Variants in NCAM2 observed in about 807,000 individuals in gnomAD.
The protein encoded by NCAM2 is neural cell adhesion molecule 2.
Under a neutral mutation model 98.1 loss-of-function variants are expected in NCAM2, and 30 were observed. That is an observed-to-expected ratio of 0.31 (90% CI 0.23 to 0.41). The LOEUF (loss-of-function observed/expected upper bound fraction) is 0.41. Among genes scored for constraint, NCAM2 ranks in the 10% least tolerant of loss-of-function variants. The pLI is 1.00. For missense variants in NCAM2, 867 were observed against 1,005.8 expected, an observed-to-expected ratio of 0.86 and a Z score of 1.87; for synonymous variants, 368 against 342.4, an observed-to-expected ratio of 1.07 and a Z score of -0.83.
chr21:21,475,522 T>C (rs1985054731), intron 14 of NCAM2, among the ~76,000 whole-genome samples: 1 of 152,194 alleles, frequency 6.6e-6, no homozygotes, highest in South Asian at 2.1e-4. Flanking sequence ...CTTTTTAGCA[T>C]AGCTGCCCTA....
In NCAM2 at chr21:21,135,223, G is replaced by C. The variant is rs1407516102; in HGVS notation, c.55+136605G>C. Among the ~76,000 whole-genome samples the C allele has an allele frequency of 1.1e-4, 15 of 133,766 alleles. 1 individual carries two copies. In the Admixed American group the frequency reaches 1.3e-3, roughly 12 times the overall value. The allele number at this position is 133,766 out of a possible 152,430, so 87.8% of individuals were successfully genotyped here. On this transcript the variant is annotated intron_variant, in intron 1 of 17. Transcript: ENST00000400546. Reference sequence around the variant, plus strand: ...ATTGCGCCACTGCACTCCAGTCTGGGCTACAGAGTGAGACTCCATCTCAAA... The same window carrying C: ...ATTGCGCCACTGCACTCCAGTCTGGCCTACAGAGTGAGACTCCATCTCAAA...
chr21:21,098,629 A>G (rs2066174613), intron 1 of NCAM2, among the ~76,000 whole-genome samples: 3 of 151,818 alleles, frequency 2.0e-5, no homozygotes, highest in East Asian at 1.9e-4. Flanking sequence ...CTGAGGCTCA[A>G]TATATTAAGC....
chr21:21,292,084 C>T lies in NCAM2; in HGVS notation c.482-20C>T, dbSNP rs1346122706. The T allele has an allele frequency of 1.7e-5, 27 of 1,598,708 alleles. No homozygotes were observed. The highest frequency in any genetic ancestry group is 2.3e-5 in the Non-Finnish European group (27 of 1,172,966). On this transcript the variant is annotated intron_variant, in intron 4 of 17. Coordinates refer to ENST00000400546, the MANE Select transcript of NCAM2 (RefSeq NM_004540.5). ...CCTTCAATTACTGATACCATTTTCTCCCCTTTGCTTTCTTTCCAGATCGGT... is the reference window on the plus strand; with the variant it reads ...CCTTCAATTACTGATACCATTTTCTTCCCTTTGCTTTCTTTCCAGATCGGT...
intron 1 of NCAM2, among the ~76,000 whole-genome samples, chr21:21,150,683 T>C (rs1451223101): frequency 6.6e-6 from 1 of 152,054 alleles, no homozygotes; most frequent in African/African-American, 2.4e-5. Context: ...CATGATATTG[T>C]CTGTGGTATA....
At chr21:21,294,370 A>G (rs376560074) in intron 5 of NCAM2, among the ~76,000 whole-genome samples, 2 of 151,830 alleles carry the variant, frequency 1.3e-5, no homozygotes, top group African/African-American at 4.8e-5. Flanking sequence ...ATAAGGAGAC[A>G]AATATAGGAA....
chr21:21,312,552 G>A (rs1053074453), intron 5 of NCAM2, among the ~76,000 whole-genome samples: 2 of 144,172 alleles, frequency 1.4e-5, no homozygotes, highest in Admixed American at 7.2e-5. Flanking sequence ...TATTGTGTCA[G>A]CCTTATATTC....
At chr21:21,430,029 T>G (rs1482601566) in intron 11 of NCAM2, among the ~76,000 whole-genome samples, 3 of 152,008 alleles carry the variant, frequency 2.0e-5, no homozygotes, top group Non-Finnish European at 4.4e-5. Context: ...ATTTTTTATT[T>G]GTATTTATTT....
chr21:21,257,636 C>G (rs2071725846), intron 1 of NCAM2, among the ~76,000 whole-genome samples: 1 of 151,974 alleles, frequency 6.6e-6, no homozygotes, highest in South Asian at 2.1e-4. Context: ...TGCTCTGAGT[C>G]CAGTGGCGCA....
intron 1 of NCAM2, among the ~76,000 whole-genome samples, chr21:21,278,491 G>C (rs147235188): frequency 6.6e-6 from 1 of 152,306 alleles, no homozygotes; most frequent in African/African-American, 2.4e-5. Flanking sequence ...GGGAGAAAAA[G>C]AGAGTACCTA....
chr21:21,108,418 T>C (rs2066392620), intron 1 of NCAM2, among the ~76,000 whole-genome samples: 1 of 152,108 alleles, frequency 6.6e-6, no homozygotes, highest in African/African-American at 2.4e-5. Context: ...TTTGAAGCTG[T>C]ACTGAAGCTG....
chr21:21,522,271 A>G (rs1358569783), intron 16 of NCAM2, among the ~76,000 whole-genome samples: 1 of 148,598 alleles, frequency 6.7e-6, no homozygotes, highest in East Asian at 1.9e-4. Context: ...ATTTATATAT[A>G]AATATGATTA....
intron 1 of NCAM2, among the ~76,000 whole-genome samples, chr21:21,086,732 G>C (rs2065912290): frequency 6.6e-6 from 1 of 152,132 alleles, no homozygotes; most frequent in African/African-American, 2.4e-5. Flanking sequence ...AAATGAAATG[G>C]ACAGTTAATT....
chr21:21,174,774 TAAAG>T (rs552003226), intron 1 of NCAM2, among the ~76,000 whole-genome samples: 167 of 151,570 alleles, frequency 1.1e-3, no homozygotes, highest in African/African-American at 3.8e-3. Flanking sequence ...CAATTACAAA[TAAAG>T]AAAATTGTTA....
At chr21:21,388,061 G>C (rs887284381) in intron 9 of NCAM2, among the ~76,000 whole-genome samples, 6 of 152,170 alleles carry the variant, frequency 3.9e-5, no homozygotes, top group African/African-American at 1.4e-4. Flanking sequence ...TGACTCATTG[G>C]TATGGATCCA....
chr21:21,033,408 A>C (rs2064730342), intron 1 of NCAM2, among the ~76,000 whole-genome samples: 1 of 152,222 alleles, frequency 6.6e-6, no homozygotes, highest in Admixed American at 6.5e-5. Flanking sequence ...AAGGCATACA[A>C]ATTTATTAGC....
intron 9 of NCAM2, among the ~76,000 whole-genome samples, chr21:21,408,232 A>T (rs1458174480): frequency 6.6e-6 from 1 of 152,146 alleles, no homozygotes; most frequent in East Asian, 1.9e-4. Flanking sequence ...GTGTTTAGAA[A>T]GTGAGGAGCT....
chr21:21,069,358 A>T (rs1400749563), intron 1 of NCAM2, among the ~76,000 whole-genome samples: 1 of 152,160 alleles, frequency 6.6e-6, no homozygotes, highest in Non-Finnish European at 1.5e-5. Flanking sequence ...TGCAGAAGAG[A>T]CCCTTTAGGT....
intron 16 of NCAM2, among the ~76,000 whole-genome samples, chr21:21,526,409 G>A (rs530842482): frequency 1.4e-4 from 21 of 151,956 alleles, no homozygotes; most frequent in African/African-American, 4.3e-4. Flanking sequence ...ATACTCAGCC[G>A]TATAGCTAAT....
chr21:21,101,313 C>G (rs1014120221), intron 1 of NCAM2, among the ~76,000 whole-genome samples: 2 of 151,966 alleles, frequency 1.3e-5, no homozygotes, highest in Non-Finnish European at 2.9e-5. Context: ...ACAGCAAACA[C>G]ATAATCATAG....
Sources: allele counts gnomAD v4.1 joint callset (sites outside exome capture counted in the v4.1 genomes callset), GRCh38; gene constraint gnomAD v4.1.1; transcripts MANE v1.5; gene names NCBI Gene and HGNC (gene_info 2026-07-23, HGNC 2026-07-21).